DNAH1: variants seen among roughly 807,000 people sequenced by gnomAD.
DNAH1 encodes axonemal beta dynein heavy chain 1.
DNAH1 carries 327 observed loss-of-function variants against 484.3 expected under a neutral mutation model. The observed-to-expected ratio is 0.68, with a 90% CI of 0.62 to 0.74. DNAH1 has a LOEUF of 0.74. Ranked by LOEUF, DNAH1 falls within the 30% of genes least tolerant of loss-of-function variation. The pLI, the probability that DNAH1 is intolerant of heterozygous loss-of-function variation, is 0.00. For missense variants in DNAH1, 5,052 were observed against 5,546.8 expected, an observed-to-expected ratio of 0.91 and a Z score of 2.83; for synonymous variants, 2,192 against 2,191.9, an observed-to-expected ratio of 1.00 and a Z score of 0.00.
intron 63 of DNAH1, 98 bp downstream of exon 63, chr3:52,391,701 C>T (rs1440717791): frequency 1.1e-5 from 15 of 1,426,786 alleles, no homozygotes; most frequent in African/African-American, 1.4e-5. Flanking sequence ...GTGGGACTTT[C>T]CCCCACTCAA....
Position 52,368,858 on chromosome 3 carries a change from G to T in DNAH1, c.5883G>T (p.Thr1961=). 1 of 1,613,990 alleles carries T rather than the reference G, an allele frequency of 6.2e-7. No homozygotes were observed. The highest frequency in any genetic ancestry group is 2.2e-5 in the East Asian group (1 of 44,888). ...CCATCTGGATTGAGAACATGAACAC[G>T]GTGCTGGATGACAACAAGAAGCTGT... ...VDAIWIENMN[T]VLDDNKKLCL... is the part of the protein sequence containing the mutation. Residue 1961 remains threonine (T), a synonymous_variant, in exon 37 of 78, where the codon ACG becomes ACT. Coordinates refer to ENST00000420323, the MANE Select transcript of DNAH1 (RefSeq NM_015512.5). This position sits in a 1 kb window ranked among gnomAD's most constrained non-coding sequence, Gnocchi z 4.4.
At chr3:52,313,453 A>G (rs1013288360), upstream of DNAH1, among the ~76,000 whole-genome samples, 6 of 152,134 alleles carry the variant, frequency 3.9e-5, no homozygotes, top group Admixed American at 1.3e-4. Context: ...GTGGCTCCCT[A>G]TATCCTGCAG....
At chr3:52,363,236 C>G (rs545837611) in intron 32 of DNAH1, 92 bp downstream of exon 32, 4 of 1,515,248 alleles carry the variant, frequency 2.6e-6, no homozygotes, top group African/African-American at 1.4e-5. Flanking sequence ...GCTCTATGCC[C>G]GGTGCTTTAC....
At chr3:52,387,930 C>A (rs764789744) in intron 56 of DNAH1, among the ~76,000 whole-genome samples, 11 of 152,154 alleles carry the variant, frequency 7.2e-5, no homozygotes, top group Admixed American at 3.3e-4. Flanking sequence ...CTTGAGACTG[C>A]CGCAGTGTCC....
chr3:52,394,641 C>T lies in DNAH1; in HGVS notation c.10803C>T (p.Phe3601=), dbSNP rs373290672. ...ACCTCTCAGAATTCCGGGTCATCTTCGACAGCCTTGAGCCCCACCGGTTAG... is the reference window on the plus strand; with the variant it reads ...ACCTCTCAGAATTCCGGGTCATCTTTGACAGCCTTGAGCCCCACCGGTTAG... ...VKHLSEFRVI[F]DSLEPHREPL... The change falls in exon 67 of 78, where the codon TTC becomes TTT. Residue 3601 remains phenylalanine (F), a synonymous_variant. Coordinates refer to ENST00000420323, the MANE Select transcript of DNAH1 (RefSeq NM_015512.5). 631 of 1,580,970 alleles carry T rather than the reference C, an allele frequency of 4.0e-4. 1 individual carries two copies. Among genetic ancestry groups the T allele is most frequent in the Non-Finnish European group, 5.3e-4 (612 of 1,160,804 alleles).
In DNAH1 at chr3:52,395,521, C is replaced by T. The variant is rs755702300; in HGVS notation, c.11128-26C>T. ...GGCTGGGGGGTGGGCAAGCTGGCCC[C>T]CTGCTCAGTGCTCTTGCCCCTGCAG... On this transcript the variant is annotated intron_variant, in intron 69 of 77. Coordinates refer to ENST00000420323, the MANE Select transcript of DNAH1 (RefSeq NM_015512.5). This position sits in a 1 kb window ranked among gnomAD's most constrained non-coding sequence, Gnocchi z 4.4. 4 of 1,613,216 alleles carry T rather than the reference C, an allele frequency of 2.5e-6. No individual in the cohort carries two copies. Among genetic ancestry groups the T allele is most frequent in the East Asian group, 2.2e-5 (1 of 44,874 alleles).
In DNAH1 at chr3:52,400,359, T is replaced by C. The variant is rs1269413478; in HGVS notation, c.12711T>C (p.Tyr4237=). 2 of 1,614,014 alleles carry C rather than the reference T, an allele frequency of 1.2e-6. No homozygotes were observed. The highest frequency in any genetic ancestry group is 1.1e-5 in the South Asian group (1 of 91,086). ...CAACCACAGGACACTCTACCAACTATGTCATTGCTGTGGAGATCCCCACCC... is the reference window on the plus strand; with the variant it reads ...CAACCACAGGACACTCTACCAACTACGTCATTGCTGTGGAGATCCCCACCC... ...TLSTTGHSTN[Y]VIAVEIPTHQ... is the part of the protein sequence containing the mutation. Residue 4237 remains tyrosine (Y), a synonymous_variant, in exon 78 of 78, where the codon TAT becomes TAC. Transcript: ENST00000420323.
At position 52,373,026 on chromosome 3, in the gene DNAH1, G is replaced by C; in HGVS notation, c.6958G>C (p.Gly2320Arg). The change falls in exon 44 of 78, where the codon GGC becomes CGC. Residue 2320 changes from glycine (G) to arginine (R), a missense_variant. Physicochemically the swap from Gly to Arg is moderately radical, Grantham distance 125. This residue lies in a region of DNAH1 where 2,929 missense variants were observed against 3,409.4 expected (regional missense o/e 0.86). Transcript: ENST00000420323. The stretch of plus-strand genomic sequence containing the variant: ...GCTGTTGCGCCAGTGGATGGACCAC[G>C]GCGGCTGGTACGACCGCAAGATCAT... Reference protein sequence around the residue: ...IELLRQWMDHGGWYDRKIIGA... With the variant: ...IELLRQWMDHRGWYDRKIIGA... 6.2e-7 allele frequency: 1 copy of C among 1,612,952 alleles called. No homozygotes were observed. The highest frequency in any genetic ancestry group is 8.5e-7 in the Non-Finnish European group (1 of 1,179,732).
At chr3:52,385,020 A>G in intron 53 of DNAH1, 43 bp downstream of exon 53, 1 of 1,577,912 alleles carries the variant, frequency 6.3e-7, no homozygotes, top group Non-Finnish European at 8.6e-7. Flanking sequence ...AGCTGCCTGC[A>G]GGCTGCCTGC....
chr3:52,345,604 C>T lies in DNAH1; in HGVS notation c.1554C>T (p.Ala518=), dbSNP rs201113513. 1.6e-4 allele frequency: 261 copies of T among 1,606,050 alleles called. 1 individual carries two copies. The African/African-American group carries it at 3.1e-3, about 19-fold the overall frequency. ...EVITALSKVR[A]ECNKVTAMSL... ...TCACGGCCCTCAGCAAGGTGAGGGCCGAGTGCAACAAGGTGACCGCCATGT... is the reference window on the plus strand; with the variant it reads ...TCACGGCCCTCAGCAAGGTGAGGGCTGAGTGCAACAAGGTGACCGCCATGT... Residue 518 remains alanine (A), a synonymous_variant, in exon 10 of 78, where the codon GCC becomes GCT. Coordinates refer to ENST00000420323, the MANE Select transcript of DNAH1 (RefSeq NM_015512.5).
chr3:52,351,947 C>A lies in DNAH1; in HGVS notation c.2730-15C>A. 4.4e-6 allele frequency: 7 copies of A among 1,596,552 alleles called. No individual in the cohort carries two copies. Among genetic ancestry groups the A allele is most frequent in the Non-Finnish European group, 6.0e-6 (7 of 1,171,906 alleles). ...CCGCGATATTTCTCCCAATCCCCACCCCCATCCCGGCCAGATGGATTGCCA... is the reference window on the plus strand; with the variant it reads ...CCGCGATATTTCTCCCAATCCCCACACCCATCCCGGCCAGATGGATTGCCA... On this transcript the variant is annotated splice_polypyrimidine_tract_variant and intron_variant, in intron 16 of 77. Coordinates refer to ENST00000420323, the MANE Select transcript of DNAH1 (RefSeq NM_015512.5).
intron 3 of DNAH1, 95 bp from the exon 4 acceptor site, chr3:52,326,045 A>T (rs1456699567): frequency 7.8e-7 from 1 of 1,285,820 alleles, no homozygotes; most frequent in South Asian, 1.7e-5. Flanking sequence ...ACTCCAAAGC[A>T]TACTACCTGG....
intron 50 of DNAH1, among the ~76,000 whole-genome samples, chr3:52,382,750 A>G (rs1419794000): frequency 6.6e-6 from 1 of 152,252 alleles, no homozygotes; most frequent in East Asian, 1.9e-4. Context: ...CTCAAGGACC[A>G]CAGGGCTTGT....
chr3:52,318,280 C>T (rs1701024374), intron 1 of DNAH1, among the ~76,000 whole-genome samples: 1 of 152,228 alleles, frequency 6.6e-6, no homozygotes. Context: ...AAACTCCTGA[C>T]CTCGGGTGAT....
chr3:52,326,818 A>G lies in DNAH1; in HGVS notation c.665A>G (p.His222Arg). ...GIDSNKLMPR[H>R]LDHQHPQTIE... ...GACTCCAACAAGCTCATGCCCAGGC[A>G]CCTGGACCACCAGCACCCCCAAACC... Residue 222 changes from histidine (H) to arginine (R), a missense_variant, in exon 5 of 78, where the codon CAC (histidine) becomes CGC (arginine). His to Arg is a conservative substitution (Grantham distance 29). Around this residue, in one of 4 missense-constraint regions of DNAH1, gnomAD observed 1,263 missense variants for 1,218.8 expected, o/e 1.04. Transcript: ENST00000420323. The G allele has an allele frequency of 1.9e-6, 3 of 1,613,752 alleles. No individual in the cohort carries two copies. The highest frequency in any genetic ancestry group is 2.5e-6 in the Non-Finnish European group (3 of 1,179,770).
At position 52,353,270 on chromosome 3, in the gene DNAH1, C is replaced by T; in HGVS notation, c.3195C>T (p.His1065=). ...KNVVEAFKTM[H]KCVKQFKDMP... is the part of the protein sequence containing the mutation. ...TGGTTGAAGCCTTCAAGACCATGCA[C>T]AAGTGCGTGAAGCAGTTTAAGGACA... The change falls in exon 19 of 78, where the codon CAC becomes CAT. Residue 1065 remains histidine (H), a synonymous_variant. Coordinates refer to ENST00000420323, the MANE Select transcript of DNAH1 (RefSeq NM_015512.5). The surrounding 1 kb of genome is among the most constrained non-coding windows in gnomAD (Gnocchi z 5.0). 6.2e-7 allele frequency: 1 copy of T among 1,613,946 alleles called. No individual in the cohort carries two copies. The highest frequency in any genetic ancestry group is 1.1e-5 in the South Asian group (1 of 91,078).
chr3:52,385,434 T>G lies in DNAH1; in HGVS notation c.8612T>G (p.Met2871Arg), dbSNP rs1704061319. Reference protein sequence around the residue: ...EEAAKDTMLTMEQIKVDTAIA... With the variant: ...EEAAKDTMLTREQIKVDTAIA... ...GCTGCCAAGGACACCATGCTCACCA[T>G]GGAGCAGATCAAGGTTGGGGTGCTC... The change falls in exon 54 of 78, where the codon ATG (methionine) becomes AGG (arginine). Residue 2871 changes from methionine (M) to arginine (R), a missense_variant. Around this residue, in one of 4 missense-constraint regions of DNAH1, gnomAD observed 2,929 missense variants for 3,409.4 expected, o/e 0.86. Coordinates refer to ENST00000420323, the MANE Select transcript of DNAH1 (RefSeq NM_015512.5). 1 of 1,551,894 alleles carries G rather than the reference T, an allele frequency of 6.4e-7. No individual in the cohort carries two copies. The highest frequency in any genetic ancestry group is 8.7e-7 in the Non-Finnish European group (1 of 1,147,100).
Position 52,396,668 on chromosome 3 carries a change from C to T in DNAH1, c.11481C>T (p.Asn3827=), listed in dbSNP as rs144605025. The change falls in exon 72 of 78, where the codon AAC becomes AAT. Residue 3827 remains asparagine, a synonymous_variant. Transcript: ENST00000420323. ...TGTCTCTGTGCTTGTTCCATGGGAA[C>T]GCCCTGGAGCGCCGTAAGTTTGGGC... ...LLLSLCLFHG[N]ALERRKFGPL... 1,868 of 1,613,658 alleles carry T rather than the reference C, an allele frequency of 1.2e-3. 2 individuals carry two copies. The highest frequency in any genetic ancestry group is 1.4e-3 in the Non-Finnish European group (1,695 of 1,179,832).
At chr3:52,313,473 A>G (rs1204600560), upstream of DNAH1, among the ~76,000 whole-genome samples, 1 of 152,156 alleles carries the variant, frequency 6.6e-6, no homozygotes, top group African/African-American at 2.4e-5. Flanking sequence ...GGACAGCCCC[A>G]GGTTCCTGTC....
Sources: gnomAD v4.1 joint callset for allele counts (sites outside exome capture counted in the v4.1 genomes callset) on GRCh38, gnomAD v4.1.1 for gene constraint, gnomAD v4.1.1 regional missense constraint, Gnocchi (gnomAD v3.1) non-coding constraint, MANE v1.5 for transcripts, NCBI Gene and HGNC (gene_info 2026-07-23, HGNC 2026-07-21) for gene names.